KDM4B: variants seen among roughly 807,000 people sequenced by gnomAD.
KDM4B encodes lysine demethylase 4B.
A neutral mutation model predicts 125.2 loss-of-function variants in KDM4B; 32 were observed. The observed-to-expected ratio is 0.26, with a 90% CI of 0.19 to 0.34. KDM4B has a LOEUF of 0.34. Ranked by LOEUF, KDM4B falls within the 10% of genes least tolerant of loss-of-function variation. The pLI, the probability that KDM4B is intolerant of heterozygous loss-of-function variation, is 1.00. For synonymous variants in KDM4B, 721 were observed against 677.9 expected (o/e 1.06, Z -0.99); for missense variants, 1,190 against 1,577.7 (o/e 0.75, Z 4.16).
intron 9 of KDM4B, among the ~76,000 whole-genome samples, chr19:5,095,049 G>T (rs566392882): frequency 3.9e-5 from 6 of 152,284 alleles, no homozygotes; most frequent in Non-Finnish European, 8.8e-5. Flanking sequence ...TGTCCTGTCG[G>T]CAGCTATGAG....
chr19:5,002,365 C>T (rs941140582), intron 1 of KDM4B, among the ~76,000 whole-genome samples: 1 of 152,042 alleles, frequency 6.6e-6, no homozygotes, highest in African/African-American at 2.4e-5. Flanking sequence ...TTCTTTTGCC[C>T]TGCAGAGTGT....
At chr19:4,977,595 G>T (rs368855366) in intron 1 of KDM4B, among the ~76,000 whole-genome samples, 1 of 152,222 alleles carries the variant, frequency 6.6e-6, no homozygotes, top group Admixed American at 6.5e-5. Context: ...GGGAGAGAGC[G>T]TGGAGACAGA....
intron 1 of KDM4B, among the ~76,000 whole-genome samples, chr19:4,972,264 T>G (rs1226913074): frequency 6.6e-6 from 1 of 152,130 alleles, no homozygotes; most frequent in Non-Finnish European, 1.5e-5. Flanking sequence ...TGGATTCAGA[T>G]CCCTCCTCTG....
chr19:5,126,510 G>A (rs761678650), intron 11 of KDM4B, among the ~76,000 whole-genome samples: 3 of 152,192 alleles, frequency 2.0e-5, no homozygotes, highest in Non-Finnish European at 4.4e-5. Flanking sequence ...GTGCCGTCCT[G>A]CCTCCCAGAG....
chr19:5,036,032 C>T (rs960126592), intron 3 of KDM4B, among the ~76,000 whole-genome samples: 2 of 152,190 alleles, frequency 1.3e-5, no homozygotes, highest in African/African-American at 2.4e-5. Flanking sequence ...CAGATGGGCT[C>T]AGGGAAGCAT....
chr19:5,093,444 G>T (rs1047028234), intron 9 of KDM4B, among the ~76,000 whole-genome samples: 1 of 152,178 alleles, frequency 6.6e-6, no homozygotes, highest in East Asian at 1.9e-4. Context: ...CGAAGCCCAG[G>T]GAGCCCTGGG....
chr19:5,056,409 T>C (rs897666682), intron 6 of KDM4B, among the ~76,000 whole-genome samples: 24 of 150,314 alleles, frequency 1.6e-4, no homozygotes, highest in East Asian at 7.7e-4. Flanking sequence ...TTCTTTCTTT[T>C]TTTTTTTTTT....
chr19:4,982,715 C>T (rs1446585221), intron 1 of KDM4B, among the ~76,000 whole-genome samples: 2 of 151,802 alleles, frequency 1.3e-5, no homozygotes, highest in South Asian at 2.1e-4. Flanking sequence ...CGGGTTCAAG[C>T]GATTCTCCTG....
chr19:5,108,602 A>C (rs1242366242), intron 9 of KDM4B, among the ~76,000 whole-genome samples: 1 of 152,174 alleles, frequency 6.6e-6, no homozygotes. Context: ...GCCACCTGGA[A>C]AGGTTTGTCA....
intron 1 of KDM4B, among the ~76,000 whole-genome samples, chr19:5,013,732 A>G (rs1172722415): frequency 6.6e-6 from 1 of 152,178 alleles, no homozygotes; most frequent in Admixed American, 6.5e-5. Flanking sequence ...CTATCTCAAG[A>G]TGCCTAACTC....
chr19:5,138,218 T>C (rs2251127), intron 18 of KDM4B, 148 bp downstream of exon 18: 349,786 of 612,218 alleles, frequency 0.57, 100,704 homozygotes, highest in East Asian at 0.68. Context: ...AAGCCAGTGA[T>C]CCCGACTTCA....
At chr19:5,077,658 A>G (rs565731921) in intron 8 of KDM4B, 188 bp downstream of exon 8, 3 of 572,430 alleles carry the variant, frequency 5.2e-6, no homozygotes, top group Admixed American at 3.3e-5. Context: ...GGAAGCGAAG[A>G]TGGCAGAGCT....
At chr19:5,061,098 C>G (rs1264582698) in intron 6 of KDM4B, among the ~76,000 whole-genome samples, 1 of 152,178 alleles carries the variant, frequency 6.6e-6, no homozygotes, top group African/African-American at 2.4e-5. Flanking sequence ...GACGACACCT[C>G]GTGGCCCAGG....
chr19:5,021,634 A>G (rs1354054029), intron 2 of KDM4B, among the ~76,000 whole-genome samples: 2 of 122,738 alleles, frequency 1.6e-5, no homozygotes, highest in Non-Finnish European at 3.3e-5. Flanking sequence ...GGCCTGGCAC[A>G]GGTTTTTTTT....
intron 2 of KDM4B, among the ~76,000 whole-genome samples, chr19:5,023,988 G>A (rs1665708086): frequency 6.6e-6 from 1 of 152,028 alleles, no homozygotes; most frequent in Admixed American, 6.6e-5. Flanking sequence ...CTAGCCCCAA[G>A]TGATCACCCA....
At chr19:5,051,590 G>A (rs2037225506) in intron 6 of KDM4B, among the ~76,000 whole-genome samples, 1 of 152,230 alleles carries the variant, frequency 6.6e-6, no homozygotes, top group South Asian at 2.1e-4. Context: ...AAGGCGGCGA[G>A]AGGAAGGCCC....
rs1013597641 is a variant in KDM4B, at chr19:5,015,503, C to T, written c.-108-754C>T. Among the ~76,000 whole-genome samples the T allele has an allele frequency of 3.4e-4, 52 of 151,740 alleles. 1 individual carries two copies. The highest frequency in any genetic ancestry group is 1.0e-4 in the Non-Finnish European group (7 of 67,908). On this transcript the variant is annotated intron_variant, in intron 1 of 22. Transcript: ENST00000159111. ...CTGACCTCAGCTGATCTGCCTGCCT[C>T]GGCCTCCCAAAGTGCTGGGATTCCA...
intron 1 of KDM4B, among the ~76,000 whole-genome samples, chr19:4,994,565 C>CAAAAAAA (rs397820720): frequency 2.2e-5 from 1 of 45,688 alleles, no homozygotes; most frequent in African/African-American, 8.4e-5. Flanking sequence ...CTCTGTCTCT[C>CAAAAAAA]AAAAAAAAAA....
At chr19:4,975,492 G>A (rs754203665) in intron 1 of KDM4B, among the ~76,000 whole-genome samples, 2 of 152,058 alleles carry the variant, frequency 1.3e-5, no homozygotes, top group African/African-American at 4.8e-5. Context: ...GCCACACTAC[G>A]GAAAGCTATG....
Sources: gnomAD v4.1 joint callset for allele counts (sites outside exome capture counted in the v4.1 genomes callset) on GRCh38, gnomAD v4.1.1 for gene constraint, MANE v1.5 for transcripts, NCBI Gene and HGNC (gene_info 2026-07-23, HGNC 2026-07-21) for gene names.